The following MTMR7 variants were observed in gnomAD, a reference collection of about 807,000 sequenced individuals.
MTMR7 encodes the protein phosphatidylinositol-3-phosphate phosphatase MTMR7.
Under a neutral mutation model 81.2 loss-of-function variants are expected in MTMR7, and 76 were observed. The observed-to-expected ratio is 0.94, with a 90% CI of 0.78 to 1.13. The LOEUF (loss-of-function observed/expected upper bound fraction) is 1.13, where lower values mean the gene tolerates loss of function less well. Among genes scored for constraint, MTMR7 ranks in the 50% most tolerant of loss-of-function variants. The pLI is 0.00. For missense variants in MTMR7, 1,044 were observed against 820.0 expected (o/e 1.27, Z -3.34); for synonymous variants, 372 against 289.8 (o/e 1.28, Z -2.88).
chr8:17,356,840 C>A (rs1819905566), intron 4 of MTMR7, among the ~76,000 whole-genome samples: 1 of 152,126 alleles, frequency 6.6e-6, no homozygotes, highest in African/African-American at 2.4e-5. Flanking sequence ...CACATCAATA[C>A]CAACCGTCGG....
chr8:17,304,563 T>C, intron 11 of MTMR7, 44 bp from the exon 12 acceptor site: 2 of 1,584,414 alleles, frequency 1.3e-6, no homozygotes, highest in African/African-American at 1.3e-5. Flanking sequence ...ATTTTGGTGC[T>C]TACACACAGT....
At chr8:17,368,372 A>G (rs935863236) in intron 3 of MTMR7, among the ~76,000 whole-genome samples, 9 of 152,204 alleles carry the variant, frequency 5.9e-5, no homozygotes, top group African/African-American at 2.2e-4. Flanking sequence ...CTGGGTGTCC[A>G]TAAATAAACT....
At chr8:17,369,974 C>G (rs1820362173) in intron 3 of MTMR7, among the ~76,000 whole-genome samples, 1 of 151,946 alleles carries the variant, frequency 6.6e-6, no homozygotes, top group African/African-American at 2.4e-5. Flanking sequence ...AAAACAACAC[C>G]ACAACTCACA....
At chr8:17,361,319 C>A (rs1352672429) in intron 3 of MTMR7, 45 bp from the exon 4 acceptor site, 1 of 1,608,034 alleles carries the variant, frequency 6.2e-7, no homozygotes, top group Non-Finnish European at 8.5e-7. Flanking sequence ...TTAGTCAAAA[C>A]CAGAGCCAAA....
intron 3 of MTMR7, among the ~76,000 whole-genome samples, chr8:17,368,567 C>G (rs1298975329): frequency 6.6e-6 from 1 of 152,206 alleles, no homozygotes; most frequent in Non-Finnish European, 1.5e-5. Flanking sequence ...CCCCATCCCC[C>G]AGTTGAAGGC....
intron 1 of MTMR7, among the ~76,000 whole-genome samples, chr8:17,374,574 T>C (rs192437249): frequency 5.9e-4 from 89 of 152,054 alleles, no homozygotes; most frequent in Admixed American, 1.4e-3. Context: ...TGCGCTGAGA[T>C]TGCGCCACCG....
At chr8:17,404,721 T>G (rs971160626) in intron 1 of MTMR7, among the ~76,000 whole-genome samples, 3 of 152,192 alleles carry the variant, frequency 2.0e-5, no homozygotes, top group African/African-American at 7.2e-5. Flanking sequence ...AAAAGATACC[T>G]GAGAAACTTA....
chr8:17,373,616 C>T (rs11203847), intron 1 of MTMR7, among the ~76,000 whole-genome samples: 22,649 of 152,136 alleles, frequency 0.15, 2,695 homozygotes, highest in East Asian at 0.32. Context: ...GTATCAATTA[C>T]ATTCTATGAA....
chr8:17,348,878 A>C, intron 5 of MTMR7, 75 bp downstream of exon 5: 3 of 1,554,914 alleles, frequency 1.9e-6, no homozygotes, highest in Non-Finnish European at 2.7e-6. Context: ...GCACAGCAGA[A>C]GGCAGCTAGA....
At chr8:17,324,270 G>A (rs1818555924) in intron 7 of MTMR7, among the ~76,000 whole-genome samples, 1 of 152,196 alleles carries the variant, frequency 6.6e-6, no homozygotes, top group Non-Finnish European at 1.5e-5. Context: ...GAATAGATGA[G>A]CGTCTGCGAT....
Position 17,298,950 on chromosome 8 carries a change from A to G in MTMR7, c.*912T>C, listed in dbSNP as rs1816918887. ...AACCTATTCCCTTCATTAAACAGAC[A>G]TGACAACCCAATTCTCTGGTTCTTG... On this transcript the variant is annotated 3_prime_UTR_variant, in exon 14 of 14. Transcript: ENST00000180173. The G allele has an allele frequency of 6.6e-6, 1 of 152,224 alleles. No individual in the cohort carries two copies. The highest frequency in any genetic ancestry group is 1.5e-5 in the Non-Finnish European group (1 of 68,022). The allele number at this position is 152,224 out of a possible 1,614,324, so 9.4% of individuals were successfully genotyped here. A position where few individuals can be genotyped will look rare whatever the true frequency, so the allele number is the denominator to read the frequency against.
At chr8:17,359,533 C>CTA (rs1563356807) in intron 4 of MTMR7, among the ~76,000 whole-genome samples, 1 of 148,646 alleles carries the variant, frequency 6.7e-6, no homozygotes, top group African/African-American at 2.5e-5. Flanking sequence ...CTGCAGTGAG[C>CTA]TATACTGCAC....
At chr8:17,367,501 C>T (rs897528180) in intron 3 of MTMR7, among the ~76,000 whole-genome samples, 1 of 152,172 alleles carries the variant, frequency 6.6e-6, no homozygotes, top group Non-Finnish European at 1.5e-5. Context: ...TTATTTTAAC[C>T]TAACTTAGTT....
At chr8:17,323,652 G>C (rs916845102) in intron 7 of MTMR7, among the ~76,000 whole-genome samples, 5 of 152,068 alleles carry the variant, frequency 3.3e-5, no homozygotes, top group African/African-American at 1.2e-4. Context: ...CCGCAGGGGT[G>C]GGGGGTCATT....
intron 7 of MTMR7, among the ~76,000 whole-genome samples, chr8:17,328,069 C>G (rs974177737): frequency 3.3e-5 from 5 of 152,146 alleles, no homozygotes; most frequent in South Asian, 4.1e-4. Context: ...CAGTATTAAT[C>G]TAACAGTCAC....
chr8:17,329,068 T>A (rs118067446), intron 7 of MTMR7, among the ~76,000 whole-genome samples: 414 of 152,352 alleles, frequency 2.7e-3, no homozygotes, highest in South Asian at 4.8e-3. Context: ...TTATTCAGAA[T>A]CTATTCTGAT....
At chr8:17,320,666 C>A (rs1352021881) in intron 7 of MTMR7, among the ~76,000 whole-genome samples, 1 of 152,166 alleles carries the variant, frequency 6.6e-6, no homozygotes, top group Non-Finnish European at 1.5e-5. Flanking sequence ...AAGTGCCAGC[C>A]CCGAGTTAAA....
chr8:17,316,645 T>C (rs1818090857), intron 7 of MTMR7, among the ~76,000 whole-genome samples: 1 of 151,844 alleles, frequency 6.6e-6, no homozygotes, highest in Non-Finnish European at 1.5e-5. Context: ...AGCACAAATA[T>C]TTGAAAAAAA....
chr8:17,347,299 T>C (rs1016160882), intron 5 of MTMR7, among the ~76,000 whole-genome samples: 4 of 152,178 alleles, frequency 2.6e-5, no homozygotes, highest in Non-Finnish European at 4.4e-5. Flanking sequence ...TAGACCCTAA[T>C]TCAAGGCTAG....
Sources: gnomAD v4.1 joint callset for allele counts (sites outside exome capture counted in the v4.1 genomes callset) on GRCh38, gnomAD v4.1.1 for gene constraint, MANE v1.5 for transcripts, NCBI Gene and HGNC (gene_info 2026-07-23, HGNC 2026-07-21) for gene names.